The following IL1RAPL1 variants were observed in gnomAD, a reference collection of about 807,000 sequenced individuals.
IL1RAPL1 encodes interleukin 1 receptor accessory protein like 1, also known as interleukin-1 receptor accessory protein-like 1.
IL1RAPL1 carries 3 observed loss-of-function variants against 48.4 expected under a neutral mutation model. That is an observed-to-expected ratio of 0.06 (90% CI 0.03 to 0.16). The LOEUF (loss-of-function observed/expected upper bound fraction) is 0.16, where lower values mean the gene tolerates loss of function less well. Among genes scored for constraint, IL1RAPL1 ranks in the 10% least tolerant of loss-of-function variants. The pLI, the probability that IL1RAPL1 is intolerant of heterozygous loss-of-function variation, is 1.00. For synonymous variants in IL1RAPL1, 185 were observed against 187.7 expected, an observed-to-expected ratio of 0.99 and a Z score of 0.12; for missense variants, 349 against 530.6, an observed-to-expected ratio of 0.66 and a Z score of 3.36.
At chrX:29,812,967 A>G (rs778060436) in intron 6 of IL1RAPL1, among the ~76,000 whole-genome samples, 1 of 111,453 alleles carries the variant, frequency 9.0e-6, no homozygotes, top group Non-Finnish European at 1.9e-5. Context: ...TAGGAAAGAG[A>G]TGAGCCATTT....
At chrX:28,611,430 G>T (rs1055337901) in intron 1 of IL1RAPL1, among the ~76,000 whole-genome samples, 1 of 111,866 alleles carries the variant, frequency 8.9e-6, no homozygotes, top group Non-Finnish European at 1.9e-5. Flanking sequence ...TCCATTAAAG[G>T]TTCAAATTTT....
chrX:28,634,457 A>ATGTGTATATATGTATATATG (rs986938224), intron 1 of IL1RAPL1, among the ~76,000 whole-genome samples: 1 of 109,073 alleles, frequency 9.2e-6, no homozygotes, highest in African/African-American at 3.3e-5. Context: ...ATATGTATAT[A>ATGTGTATATATGTATATATG]TGTGTATATA....
At chrX:29,764,057 C>CA (rs1354682809) in intron 6 of IL1RAPL1, among the ~76,000 whole-genome samples, 1 of 110,961 alleles carries the variant, frequency 9.0e-6, no homozygotes, top group Non-Finnish European at 1.9e-5. Flanking sequence ...AGTTTTAAAA[C>CA]AAAAAAGCCC....
At chrX:28,822,658 G>A (rs1936949034) in intron 2 of IL1RAPL1, among the ~76,000 whole-genome samples, 1 of 111,795 alleles carries the variant, frequency 8.9e-6, no homozygotes, top group African/African-American at 3.2e-5. Flanking sequence ...ACTTGTGGGA[G>A]ATGGCTGGTG....
chrX:29,367,728 A>C (rs894469476), intron 3 of IL1RAPL1, among the ~76,000 whole-genome samples: 3 of 108,045 alleles, frequency 2.8e-5, no homozygotes, highest in African/African-American at 1.0e-4. Flanking sequence ...CTACAGGCGC[A>C]CGCCACCACG....
chrX:28,619,114 A>G (rs941970038), intron 1 of IL1RAPL1, among the ~76,000 whole-genome samples: 1 of 112,282 alleles, frequency 8.9e-6, no homozygotes, highest in Non-Finnish European at 1.9e-5. Context: ...TCCAATTTTA[A>G]CAGATGCAAT....
At chrX:28,723,700 A>T (rs1461971260) in intron 1 of IL1RAPL1, among the ~76,000 whole-genome samples, 2 of 111,690 alleles carry the variant, frequency 1.8e-5, no homozygotes, top group Non-Finnish European at 3.8e-5. Flanking sequence ...TGTCAATTTT[A>T]GATCTTTCCT....
intron 2 of IL1RAPL1, among the ~76,000 whole-genome samples, chrX:29,239,716 T>A (rs2147563668): frequency 9.0e-6 from 1 of 111,436 alleles, no homozygotes; most frequent in Admixed American, 9.5e-5. Context: ...TGTGAGATTT[T>A]TTTTTTTTTG....
In IL1RAPL1 at chrX:29,658,928, C is replaced by T. The variant is rs185555873; in HGVS notation, c.704-9502C>T. Among the ~76,000 whole-genome samples, 8 of 112,198 alleles carry T rather than the reference C, an allele frequency of 7.1e-5. No individual in the cohort carries two copies. In the East Asian group the frequency reaches 1.9e-3, roughly 27 times the overall value. ...GAGTACTAGAATTTATTCCTTCTAT[C>T]TAACTATATTTTTGTACATGTTAAT... On this transcript the variant is annotated intron_variant, in intron 5 of 10. Coordinates refer to ENST00000378993, the MANE Select transcript of IL1RAPL1 (RefSeq NM_014271.4).
intron 1 of IL1RAPL1, among the ~76,000 whole-genome samples, chrX:28,663,828 CAT>C (rs1040747876): frequency 8.9e-5 from 10 of 112,027 alleles, no homozygotes; most frequent in African/African-American, 1.3e-4. Context: ...ATTTATGTAA[CAT>C]ATTAAAAGAA....
chrX:29,134,397 T>A (rs1248886399), intron 2 of IL1RAPL1, among the ~76,000 whole-genome samples: 1 of 112,237 alleles, frequency 8.9e-6, no homozygotes, highest in Non-Finnish European at 1.9e-5. Context: ...CCCAATCTAA[T>A]GTGTGCCATG....
At chrX:29,826,035 G>A (rs189777470) in intron 6 of IL1RAPL1, among the ~76,000 whole-genome samples, 41 of 111,124 alleles carry the variant, frequency 3.7e-4, no homozygotes, top group African/African-American at 1.1e-3. Flanking sequence ...GTTGAGACTT[G>A]GAAAATGTGA....
rs189833014 is a variant in IL1RAPL1, at chrX:29,489,414, T to C, written c.703+90106T>C. Among the ~76,000 whole-genome samples, 448 of 111,902 alleles carry C rather than the reference T, an allele frequency of 4.0e-3. 3 individuals carry two copies. The highest frequency in any genetic ancestry group is 0.014 in the African/African-American group (433 of 30,792). On this transcript the variant is annotated intron_variant, in intron 5 of 10. Coordinates refer to ENST00000378993, the MANE Select transcript of IL1RAPL1 (RefSeq NM_014271.4). Reference sequence around the variant, plus strand: ...TTAATGAATATTTTACTACATGTAATGTTTGGTTAATTATAAGATGCTAAG... The same window carrying C: ...TTAATGAATATTTTACTACATGTAACGTTTGGTTAATTATAAGATGCTAAG...
chrX:28,932,433 G>C (rs763961923), intron 2 of IL1RAPL1, among the ~76,000 whole-genome samples: 2 of 111,174 alleles, frequency 1.8e-5, no homozygotes, highest in Non-Finnish European at 3.8e-5. Flanking sequence ...GGTTTTTCTC[G>C]ATCCTTCCTA....
intron 9 of IL1RAPL1, among the ~76,000 whole-genome samples, chrX:29,948,834 CAAAAAAAAAAAGA>C (rs765395501): frequency 0.013 from 491 of 38,482 alleles, 1 homozygote; most frequent in Non-Finnish European, 0.019. Flanking sequence ...TACTTGAGAA[CAAAAAAAAAAAGA>C]AAAAAAAAAA....
In IL1RAPL1 at chrX:28,926,500, G is replaced by GA. The variant is rs1365338386; in HGVS notation, c.82+137085dup. ...TCATTAAAAAAGTGGTCAGCACAAG[G>GA]AAAAAAAAAACATATATAGTTTAAC... On this transcript the variant is annotated intron_variant, in intron 2 of 10. Transcript: ENST00000378993. 5.0e-3 allele frequency among the ~76,000 whole-genome samples: 523 copies of GA among 104,476 alleles called. 2 individuals are homozygous for GA. Among genetic ancestry groups the GA allele is most frequent in the African/African-American group, 0.016 (467 of 28,843 alleles). 90.7% of individuals were successfully genotyped at this position (104,476 alleles called of 115,157 possible). A position where few individuals can be genotyped will look rare whatever the true frequency, so the allele number is the denominator to read the frequency against.
At chrX:28,647,304 C>G (rs1481727635) in intron 1 of IL1RAPL1, among the ~76,000 whole-genome samples, 2 of 111,879 alleles carry the variant, frequency 1.8e-5, no homozygotes, top group Non-Finnish European at 3.8e-5. Context: ...CAAATCTAAT[C>G]ACTTGTCTCC....
intron 6 of IL1RAPL1, among the ~76,000 whole-genome samples, chrX:29,705,493 G>T (rs1280727433): frequency 8.9e-6 from 1 of 112,535 alleles, no homozygotes; most frequent in Non-Finnish European, 1.9e-5. Context: ...GGGATTACAG[G>T]CATGAGCCAC....
At chrX:29,666,371 CTG>C (rs1184378232) in intron 5 of IL1RAPL1, among the ~76,000 whole-genome samples, 1 of 110,578 alleles carries the variant, frequency 9.0e-6, no homozygotes, top group Non-Finnish European at 1.9e-5. Flanking sequence ...AGGCAGGGAA[CTG>C]AGCCCAGTGG....
Sources: gnomAD v4.1 joint callset for allele counts (sites outside exome capture counted in the v4.1 genomes callset) on GRCh38, gnomAD v4.1.1 for gene constraint, MANE v1.5 for transcripts, NCBI Gene and HGNC (gene_info 2026-07-23, HGNC 2026-07-21) for gene names.